The following SLC25A25 variants were observed in gnomAD, a reference collection of about 807,000 sequenced individuals.
SLC25A25 encodes mitochondrial adenyl nucleotide antiporter SLC25A25.
In SLC25A25, 32 loss-of-function variants were observed where a neutral mutation model predicts 57.7. The ratio of observed to expected loss-of-function variants is 0.55; its 90% confidence interval spans 0.42 to 0.74. SLC25A25 has a LOEUF of 0.74. Among genes scored for constraint, SLC25A25 ranks in the 30% least tolerant of loss-of-function variants. The pLI, the probability that SLC25A25 is intolerant of heterozygous loss-of-function variation, is 0.00. For missense variants in SLC25A25, 556 were observed against 701.3 expected, an observed-to-expected ratio of 0.79 and a Z score of 2.34; for synonymous variants, 306 against 291.2, an observed-to-expected ratio of 1.05 and a Z score of -0.52.
At chr9:128,075,820 G>C (rs562934324) in intron 1 of SLC25A25, among the ~76,000 whole-genome samples, 1 of 152,224 alleles carries the variant, frequency 6.6e-6, no homozygotes, top group African/African-American at 2.4e-5. Flanking sequence ...CTCCAGCCTG[G>C]GTGACAGTGC....
intron 1 of SLC25A25, among the ~76,000 whole-genome samples, chr9:128,074,938 C>T (rs1832978301): frequency 6.6e-6 from 1 of 152,078 alleles, no homozygotes; most frequent in Admixed American, 6.6e-5. Flanking sequence ...GAGTTCGAGA[C>T]CAGCCTGGCC....
In SLC25A25 at chr9:128,102,292, T is replaced by G; in HGVS notation, c.513-78T>G. On this transcript the variant is annotated intron_variant, in intron 4 of 10. Coordinates refer to ENST00000373069, the MANE Select transcript of SLC25A25 (RefSeq NM_001330988.2). The surrounding 1 kb of genome is among the most constrained non-coding windows in gnomAD (Gnocchi z 4.1). ...TTCTGGGCATCCGAATGCCTGCCCT[T>G]GGCTCACTGGGAGGTGGGGGGATGC... 1 of 1,469,228 alleles carries G rather than the reference T, an allele frequency of 6.8e-7. No homozygotes were observed. The highest frequency in any genetic ancestry group is 9.5e-7 in the Non-Finnish European group (1 of 1,058,056). The allele number at this position is 1,469,228 out of a possible 1,614,324, so 91.0% of individuals were successfully genotyped here.
intron 1 of SLC25A25, among the ~76,000 whole-genome samples, chr9:128,080,076 T>C (rs1298417504): frequency 2.1e-5 from 3 of 139,556 alleles, no homozygotes; most frequent in Non-Finnish European, 3.1e-5. Context: ...TTAAAAAAAC[T>C]CAGGAGGGGC....
In SLC25A25 at chr9:128,101,900, C is replaced by T. The variant is rs918073360; in HGVS notation, c.477-180C>T. Reference sequence around the variant, plus strand: ...CTGGCTGGACCTTCCGGAAACCCTGCGGTCTGAACACTGGCTGGTCCTCGG... The same window carrying T: ...CTGGCTGGACCTTCCGGAAACCCTGTGGTCTGAACACTGGCTGGTCCTCGG... On this transcript the variant is annotated intron_variant, in intron 3 of 10. Coordinates refer to ENST00000373069, the MANE Select transcript of SLC25A25 (RefSeq NM_001330988.2). This position sits in a 1 kb window ranked among gnomAD's most constrained non-coding sequence, Gnocchi z 4.9. 3.9e-5 allele frequency among the ~76,000 whole-genome samples: 6 copies of T among 152,222 alleles called. No individual in the cohort carries two copies. Among genetic ancestry groups the T allele is most frequent in the African/African-American group, 1.2e-4 (5 of 41,448 alleles).
In SLC25A25 at chr9:128,068,245, C is replaced by T; in HGVS notation, c.-75C>T. ...GCGCTCCCAGCTGCAGAGCGCCTGG[C>T]TTGCCTCCCGCGCGGTCACCGCCGG... On this transcript the variant is annotated 5_prime_UTR_variant, in exon 1 of 11. Transcript: ENST00000373069. 1.1e-6 allele frequency: 1 copy of T among 871,828 alleles called. No homozygotes were observed. Among genetic ancestry groups the T allele is most frequent in the Non-Finnish European group, 1.5e-6 (1 of 660,922 alleles). The allele number at this position is 871,828 out of a possible 1,614,324, so 54.0% of individuals were successfully genotyped here.
At chr9:128,100,948 C>T (rs1428012857) in intron 1 of SLC25A25, 148 bp from the exon 2 acceptor site, 5 of 1,081,950 alleles carry the variant, frequency 4.6e-6, no homozygotes, top group Middle Eastern at 3.1e-4. Context: ...GCCATGGTGG[C>T]TCTGAGAGTG....
In SLC25A25 at chr9:128,103,810, C is replaced by T. The variant is rs1028638992; in HGVS notation, c.754C>T (p.Pro252Ser). 6.2e-7 allele frequency: 1 copy of T among 1,610,464 alleles called. No homozygotes were observed. Among genetic ancestry groups the T allele is most frequent in the South Asian group, 1.1e-5 (1 of 90,652 alleles). Residue 252 changes from proline to serine, a missense_variant, in exon 6 of 11, where the codon CCC becomes TCC. By Grantham distance (74) the Pro-to-Ser change is moderately conservative (BLOSUM62 -1). Coordinates refer to ENST00000373069, the MANE Select transcript of SLC25A25 (RefSeq NM_001330988.2). The surrounding 1 kb of genome is among the most constrained non-coding windows in gnomAD (Gnocchi z 6.7). The stretch of plus-strand genomic sequence containing the variant: ...GGCCGTATCCAGAACCTGCACGGCC[C>T]CCCTGGACAGGCTCAAGGTGCTCAT... ...AGAVSRTCTA[P>S]LDRLKVLMQV... is the part of the protein sequence containing the mutation.
Position 128,107,369 on chromosome 9 carries a change from G to T in SLC25A25, c.1473G>T (p.Lys491Asn). 6.6e-7 allele frequency: 1 copy of T among 1,515,410 alleles called. No individual in the cohort carries two copies. The highest frequency in any genetic ancestry group is 1.3e-5 in the South Asian group (1 of 75,550). 93.9% of individuals were successfully genotyped at this position (1,515,410 alleles called of 1,614,324 possible). A position where few individuals can be genotyped will look rare whatever the true frequency, so the allele number is the denominator to read the frequency against. Residue 491 changes from lysine (K) to asparagine (N), a missense_variant, in exon 11 of 11, where the codon AAG (lysine) becomes AAT (asparagine). Transcript: ENST00000373069. ...GGGGGCTGGCCCCCAACTTCATGAA[G>T]GTCATCCCAGCTGTGAGCATCAGCT... ...LYRGLAPNFM[K>N]VIPAVSISYV...
At position 128,102,034 on chromosome 9, in the gene SLC25A25, C is replaced by G. The variant is rs1490406578; in HGVS notation, c.477-46C>G. On this transcript the variant is annotated intron_variant, in intron 3 of 10. Transcript: ENST00000373069. This position sits in a 1 kb window ranked among gnomAD's most constrained non-coding sequence, Gnocchi z 4.1. ...ACTAACATGGCTCCGAGCACTTATG[C>G]GTGTTGTTTCTGCTCTCTCCTCCGC... 16 of 1,549,254 alleles carry G rather than the reference C, an allele frequency of 1.0e-5. No homozygotes were observed. Among genetic ancestry groups the G allele is most frequent in the Non-Finnish European group, 1.4e-5 (16 of 1,145,976 alleles).
chr9:128,072,895 A>C (rs549203102), intron 1 of SLC25A25, among the ~76,000 whole-genome samples: 8 of 152,310 alleles, frequency 5.3e-5, no homozygotes, highest in Non-Finnish European at 1.2e-4. Flanking sequence ...GGAAGAAAGC[A>C]AGCTGTATTC....
chr9:128,086,625 G>T (rs1833282372), intron 1 of SLC25A25, among the ~76,000 whole-genome samples: 1 of 151,822 alleles, frequency 6.6e-6, no homozygotes, highest in Non-Finnish European at 1.5e-5. Flanking sequence ...GAGCCACTGT[G>T]CCTGGCCACT....
intron 1 of SLC25A25, among the ~76,000 whole-genome samples, chr9:128,080,378 C>T (rs1265434120): frequency 6.9e-6 from 1 of 144,428 alleles, no homozygotes; most frequent in Non-Finnish European, 1.5e-5. Context: ...AAAAAAGAAC[C>T]AACTGTCTGT....
In SLC25A25 at chr9:128,099,196, T is replaced by C; in HGVS notation, c.262-1900T>C. 1 of 1,269,630 alleles carries C rather than the reference T, an allele frequency of 7.9e-7. No individual in the cohort carries two copies. The highest frequency in any genetic ancestry group is 1.3e-5 in the South Asian group (1 of 78,358). 78.6% of individuals were successfully genotyped at this position (1,269,630 alleles called of 1,614,324 possible). On this transcript the variant is annotated intron_variant, in intron 1 of 10. Coordinates refer to ENST00000373069, the MANE Select transcript of SLC25A25 (RefSeq NM_001330988.2). The surrounding 1 kb of genome is among the most constrained non-coding windows in gnomAD (Gnocchi z 6.8). ...ACAGGGCCTGTGTCTGCCCTGAAAG[T>C]GAGGAAGCCGAGCTGCAGAGTCCGG...
At chr9:128,074,675 G>A (rs555943431) in intron 1 of SLC25A25, among the ~76,000 whole-genome samples, 38 of 152,094 alleles carry the variant, frequency 2.5e-4, no homozygotes, top group Non-Finnish European at 8.8e-5. Flanking sequence ...TGCCAACACG[G>A]GCCTGGCCGA....
intron 1 of SLC25A25, chr9:128,090,919 A>G (rs1172823323): frequency 6.6e-6 from 1 of 152,214 alleles, no homozygotes; most frequent in South Asian, 2.1e-4. Context: ...GAAACAAATG[A>G]CCATAGATTA....
intron 1 of SLC25A25, among the ~76,000 whole-genome samples, chr9:128,080,349 CAAAAA>C (rs775059465): frequency 9.2e-6 from 1 of 108,660 alleles, no homozygotes. Flanking sequence ...GACTCCATCC[CAAAAA>C]AAAAAAAAAA....
chr9:128,090,539 G>A (rs545549079), intron 1 of SLC25A25, among the ~76,000 whole-genome samples: 1 of 151,994 alleles, frequency 6.6e-6, no homozygotes, highest in Non-Finnish European at 1.5e-5. Context: ...GGCCATGCGC[G>A]GTGGCTCGCT....
chr9:128,107,645 T>G lies in SLC25A25; in HGVS notation c.*201T>G, dbSNP rs1274059764. On this transcript the variant is annotated 3_prime_UTR_variant, in exon 11 of 11. Coordinates refer to ENST00000373069, the MANE Select transcript of SLC25A25 (RefSeq NM_001330988.2). ...TGACCCCAGCAGACCCTCCTGTTGG[T>G]TCCAGCGAAGACCACAGGCATTCCT... 1.9e-6 allele frequency: 1 copy of G among 517,392 alleles called. No individual in the cohort carries two copies. The highest frequency in any genetic ancestry group is 3.2e-5 in the East Asian group (1 of 31,694). 32.1% of individuals were successfully genotyped at this position (517,392 alleles called of 1,614,324 possible).
At chr9:128,089,297 A>G (rs1254548137) in intron 1 of SLC25A25, among the ~76,000 whole-genome samples, 5 of 152,206 alleles carry the variant, frequency 3.3e-5, no homozygotes, top group African/African-American at 1.2e-4. Context: ...TAATAATAAT[A>G]AAATAGCTAA....
Sources: gnomAD v4.1 joint callset for allele counts (sites outside exome capture counted in the v4.1 genomes callset) on GRCh38, gnomAD v4.1.1 for gene constraint, Gnocchi (gnomAD v3.1) non-coding constraint, MANE v1.5 for transcripts, NCBI Gene and HGNC (gene_info 2026-07-23, HGNC 2026-07-21) for gene names.